The following LPA variants were observed in gnomAD, a reference collection of about 807,000 sequenced individuals.
The protein encoded by LPA is apolipoprotein(a).
A neutral mutation model predicts 197.9 loss-of-function variants in LPA; 199 were observed. The ratio of observed to expected loss-of-function variants is 1.01; its 90% CI spans 0.90 to 1.13. The LOEUF (loss-of-function observed/expected upper bound fraction) is 1.13, where lower values mean the gene tolerates loss of function less well. LPA is among the 50% of genes most tolerant of loss of function. LPA has a pLI of 0.00. For synonymous variants in LPA, 715 were observed against 639.5 expected (o/e 1.12, Z -1.78); for missense variants, 1,853 against 1,785.8 (o/e 1.04, Z -0.68).
At chr6:160,584,228 TTCTTCTTCTTCC>T (rs1392998708) in intron 26 of LPA, among the ~76,000 whole-genome samples, 2,390 of 90,796 alleles carry the variant, frequency 0.026, 28 homozygotes, top group East Asian at 0.1. Flanking sequence ...CTTCTTCTTC[TTCTTCTTCTTCC>T]TCCTCCTCCT....
At chr6:160,540,294 T>C in intron 35 of LPA, 111 bp from the exon 36 acceptor site, 1 of 1,244,098 alleles carries the variant, frequency 8.0e-7, no homozygotes, top group South Asian at 1.2e-5. Flanking sequence ...CCAGAATCAG[T>C]GACTTATGAG....
Position 160,605,067 on chromosome 6 carries a change from G to T in LPA, c.2924C>A (p.Thr975Asn), listed in dbSNP as rs1779318033. The change falls in exon 18 of 39, where the codon ACC becomes AAC. Residue 975 changes from threonine to asparagine, a missense_variant. This residue lies in a region of LPA where 1,737 missense variants were observed against 1,504.4 expected (regional missense o/e 1.15). Coordinates refer to ENST00000316300, the MANE Select transcript of LPA (RefSeq NM_005577.4). ...SSMTPHSHSR[T>N]PAYYPNAGLI... ...ATACGCATTTGGGTAGTATGCTGGG[G>T]TCCGACTATGCGAGTGTGGTGTCAT... 6.2e-7 allele frequency: 1 copy of T among 1,613,714 alleles called. No homozygotes were observed. Among genetic ancestry groups the T allele is most frequent in the African/African-American group, 1.3e-5 (1 of 74,906 alleles).
intron 6 of LPA, among the ~76,000 whole-genome samples, chr6:160,637,241 G>GT (rs1168840207): frequency 1.0e-4 from 2 of 19,644 alleles, no homozygotes; most frequent in Admixed American, 3.3e-4. Context: ...TACAGGTTGG[G>GT]TTTTTTTTCC....
chr6:160,595,838 G>A (rs1779122356), intron 20 of LPA, among the ~76,000 whole-genome samples: 1 of 152,152 alleles, frequency 6.6e-6, no homozygotes, highest in Non-Finnish European at 1.5e-5. Flanking sequence ...AACTTCAATT[G>A]TACTTGTACA....
rs1380626555 is a variant in LPA, at chr6:160,531,843, A to G, written c.6009T>C (p.Ile2003=). 6.2e-7 allele frequency: 1 copy of G among 1,614,066 alleles called. No individual in the cohort carries two copies. Among genetic ancestry groups the G allele is most frequent in the Non-Finnish European group, 8.5e-7 (1 of 1,180,000 alleles). ...GACCCCAAGAAGTGACTCCTTGTAA[A>G]ATGTATTTGTCCTTCTCGAAGCAAA... ...PLVCFEKDKY[I]LQGVTSWGLG... Residue 2003 remains isoleucine, a synonymous_variant, in exon 39 of 39, where the codon ATT becomes ATC. Coordinates refer to ENST00000316300, the MANE Select transcript of LPA (RefSeq NM_005577.4).
At position 160,537,237 on chromosome 6, in the gene LPA, C is replaced by T. The variant is rs115686815; in HGVS notation, c.5842+618G>A. On this transcript the variant is annotated intron_variant, in intron 37 of 38. Coordinates refer to ENST00000316300, the MANE Select transcript of LPA (RefSeq NM_005577.4). Reference sequence around the variant, plus strand: ...ACAGGTGCTGATACCACATCATGCACAAAAATATTCCCTCTCTTGCTCTCA... The same window carrying T: ...ACAGGTGCTGATACCACATCATGCATAAAAATATTCCCTCTCTTGCTCTCA... Among the ~76,000 whole-genome samples the T allele has an allele frequency of 1.4e-3, 209 of 152,242 alleles. 2 individuals carry two copies. Among genetic ancestry groups the T allele is most frequent in the Middle Eastern group, 0.014 (4 of 294 alleles).
At chr6:160,535,686 C>T (rs77193130) in intron 37 of LPA, among the ~76,000 whole-genome samples, 5 of 143,768 alleles carry the variant, frequency 3.5e-5, no homozygotes, top group Admixed American at 2.2e-4. Context: ...ATAGTGGTGG[C>T]GATGATGTTG....
chr6:160,572,966 G>T (rs974674368), intron 28 of LPA, among the ~76,000 whole-genome samples: 1 of 152,068 alleles, frequency 6.6e-6, no homozygotes, highest in African/African-American at 2.4e-5. Flanking sequence ...TCTTGTATTT[G>T]CATGTCTAGG....
chr6:160,543,698 G>A (rs965854090), intron 33 of LPA, among the ~76,000 whole-genome samples: 1 of 152,182 alleles, frequency 6.6e-6, no homozygotes, highest in South Asian at 2.1e-4. Context: ...TGTACTAAAA[G>A]AGTAACTACA....
chr6:160,580,942 T>G, intron 26 of LPA, among the ~76,000 whole-genome samples: 1 of 151,656 alleles, frequency 6.6e-6, no homozygotes, highest in Middle Eastern at 3.6e-3. Flanking sequence ...TGTTTTCTTT[T>G]ACAGTTAGTG....
At chr6:160,659,653 G>T (rs1325750598) in intron 1 of LPA, among the ~76,000 whole-genome samples, 1 of 152,160 alleles carries the variant, frequency 6.6e-6, no homozygotes, top group African/African-American at 2.4e-5. Context: ...GAGGGGCTGT[G>T]GGTTGTCTCT....
chr6:160,545,263 G>A (rs1370610632), intron 33 of LPA, among the ~76,000 whole-genome samples, 177 bp downstream of exon 33: 2 of 152,012 alleles, frequency 1.3e-5, no homozygotes, highest in African/African-American at 4.8e-5. Context: ...AACAAATGGG[G>A]CCAATAGTAG....
rs1057073156 is a variant in LPA at position 160,600,413 on chromosome 6, G to A, written c.3127+504C>T. Among the ~76,000 whole-genome samples the A allele has an allele frequency of 4.7e-4, 72 of 152,294 alleles. 1 individual carries two copies. The highest frequency in any genetic ancestry group is 1.6e-3 in the African/African-American group (68 of 41,572). On this transcript the variant is annotated intron_variant, in intron 19 of 38. Coordinates refer to ENST00000316300, the MANE Select transcript of LPA (RefSeq NM_005577.4). ...GCCTCGGACTGAAAAAGACCTGAGAGATAGAGCTTCGGGAGCTCATGTACT... is the reference window on the plus strand; with the variant it reads ...GCCTCGGACTGAAAAAGACCTGAGAAATAGAGCTTCGGGAGCTCATGTACT...
At chr6:160,651,797 A>G (rs1357455014) in intron 1 of LPA, among the ~76,000 whole-genome samples, 1 of 152,184 alleles carries the variant, frequency 6.6e-6, no homozygotes, top group Admixed American at 6.6e-5. Flanking sequence ...AAAGGTGGAC[A>G]ATATCCATGG....
At chr6:160,657,905 C>T (rs1450072079) in intron 1 of LPA, among the ~76,000 whole-genome samples, 1 of 152,154 alleles carries the variant, frequency 6.6e-6, no homozygotes, top group Non-Finnish European at 1.5e-5. Context: ...GTATAATGCA[C>T]CTCCTCATGG....
At chr6:160,657,378 A>T (rs573821740) in intron 1 of LPA, among the ~76,000 whole-genome samples, 2 of 150,292 alleles carry the variant, frequency 1.3e-5, no homozygotes, top group South Asian at 4.2e-4. Context: ...TCAGCTAACC[A>T]AGCAAATAAA....
intron 8 of LPA, among the ~76,000 whole-genome samples, chr6:160,631,991 A>AGTTTGTGTGT (rs1554240939): frequency 9.4e-4 from 123 of 130,356 alleles, no homozygotes; most frequent in South Asian, 4.4e-3. Context: ...GTGTGTTTTC[A>AGTTTGTGTGT]GTGTGTGTGT....
intron 1 of LPA, among the ~76,000 whole-genome samples, chr6:160,654,103 A>ATATT (rs533981032): frequency 1.8e-5 from 1 of 55,694 alleles, no homozygotes; most frequent in Non-Finnish European, 3.3e-5. Context: ...TATATAATAT[A>ATATT]ATATATTATA....
intron 24 of LPA, among the ~76,000 whole-genome samples, chr6:160,587,647 T>C (rs1255273871): frequency 2.0e-5 from 3 of 152,134 alleles, no homozygotes; most frequent in African/African-American, 7.2e-5. Context: ...ATGTCTGTCA[T>C]GATATCTTTT....
Sources: allele counts gnomAD v4.1 joint callset (sites outside exome capture counted in the v4.1 genomes callset), GRCh38; gene constraint gnomAD v4.1.1; regional missense constraint gnomAD v4.1.1; transcripts MANE v1.5; gene names NCBI Gene and HGNC (gene_info 2026-07-23, HGNC 2026-07-21).